MIPEP: variants seen among roughly 807,000 people sequenced by gnomAD.
MIPEP encodes mitochondrial intermediate peptidase.
In MIPEP, 79 loss-of-function variants were observed where a neutral mutation model predicts 90.3. The ratio of observed to expected loss-of-function variants is 0.87; its 90% CI spans 0.73 to 1.05. The LOEUF (loss-of-function observed/expected upper bound fraction) is 1.05. MIPEP is among the 50% of genes least tolerant of loss of function. MIPEP has a pLI of 0.00. For missense variants in MIPEP, 940 were observed against 905.6 expected, an observed-to-expected ratio of 1.04 and a Z score of -0.49; for synonymous variants, 334 against 315.8, an observed-to-expected ratio of 1.06 and a Z score of -0.61.
intron 11 of MIPEP, 96 bp downstream of exon 11, chr13:23,841,239 A>G: frequency 8.9e-7 from 1 of 1,125,304 alleles, no homozygotes; most frequent in Non-Finnish European, 1.2e-6. Flanking sequence ...ACACTCAGTC[A>G]GGGCAAAGTT....
At chr13:23,759,900 C>T (rs1022012377) in intron 17 of MIPEP, among the ~76,000 whole-genome samples, 196 bp downstream of exon 17, 13 of 152,128 alleles carry the variant, frequency 8.5e-5, no homozygotes, top group Middle Eastern at 3.2e-3. Context: ...CCAGGGCCAC[C>T]GGTCAGCTGC....
At position 23,886,496 on chromosome 13, in the gene MIPEP, C is replaced by G. The variant is rs1871488859; in HGVS notation, c.200G>C (p.Gly67Ala). ...DLFGERRGLFGVPELSAPEGF... is the reference protein window; with the variant it reads ...DLFGERRGLFAVPELSAPEGF... Reference sequence around the variant, plus strand: ...TTCTGGGGCACTCAGCTCAGGAACTCCAAAAAGACCCTTAGAACCAAAGAA... The same window carrying G: ...TTCTGGGGCACTCAGCTCAGGAACTGCAAAAAGACCCTTAGAACCAAAGAA... The change falls in exon 2 of 19, where the codon GGA becomes GCA. Residue 67 changes from glycine to alanine, a missense_variant. Coordinates refer to ENST00000382172, the MANE Select transcript of MIPEP (RefSeq NM_005932.4). 6.3e-7 allele frequency: 1 copy of G among 1,583,680 alleles called. No homozygotes were observed. Among genetic ancestry groups the G allele is most frequent in the East Asian group, 2.3e-5 (1 of 43,046 alleles).
chr13:23,752,380 G>A (rs938499491), intron 18 of MIPEP, among the ~76,000 whole-genome samples: 20 of 152,158 alleles, frequency 1.3e-4, no homozygotes, highest in African/African-American at 4.6e-4. Flanking sequence ...CTGCTTCCTA[G>A]TGGGGGCAAA....
chr13:23,803,053 C>T (rs1483020839), intron 16 of MIPEP, among the ~76,000 whole-genome samples: 2 of 152,094 alleles, frequency 1.3e-5, no homozygotes, highest in Admixed American at 1.3e-4. Context: ...ATATAAGATA[C>T]TCAGAGTGGG....
chr13:23,795,181 T>C (rs920973638), intron 16 of MIPEP, among the ~76,000 whole-genome samples: 1 of 148,728 alleles, frequency 6.7e-6, no homozygotes, highest in African/African-American at 2.5e-5. Flanking sequence ...GGCATAAGAA[T>C]AGGAGGAAAC....
In MIPEP at chr13:23,782,247, CA is replaced by C. The variant is rs1047097663; in HGVS notation, c.1849-22031del. Among the ~76,000 whole-genome samples the C allele has an allele frequency of 4.8e-4, 73 of 152,238 alleles. 1 individual carries two copies. The highest frequency in any genetic ancestry group is 1.7e-3 in the African/African-American group (72 of 41,550). ...AAATGTAAAAGAACAGAAATTATAA[CA>C]AACTGTCTCTCAGACCACAGTGCAA... On this transcript the variant is annotated intron_variant, in intron 16 of 18. Coordinates refer to ENST00000382172, the MANE Select transcript of MIPEP (RefSeq NM_005932.4).
At position 23,870,085 on chromosome 13, in the gene MIPEP, A is replaced by G; in HGVS notation, c.714T>C (p.Ile238=). 6.2e-7 allele frequency: 1 copy of G among 1,612,990 alleles called. No individual in the cohort carries two copies. The highest frequency in any genetic ancestry group is 8.5e-7 in the Non-Finnish European group (1 of 1,179,454). ...KIEKHLLPEH[I]RRNFTSAGDH... Reference sequence around the variant, plus strand: ...CCCCAGCAGATGTAAAGTTACGACGAATGTGTTCTGGTAAGAGATGCTTCT... The same window carrying G: ...CCCCAGCAGATGTAAAGTTACGACGGATGTGTTCTGGTAAGAGATGCTTCT... Residue 238 remains isoleucine, a synonymous_variant, in exon 6 of 19, where the codon ATT becomes ATC. Transcript: ENST00000382172.
In MIPEP at chr13:23,837,543, A is replaced by G. The variant is rs751342997; in HGVS notation, c.1543+9T>C. On this transcript the variant is annotated intron_variant, in intron 13 of 18. Transcript: ENST00000382172. ...ACTGTAGTAAATAAAAGCCCTCCTC[A>G]TGGCTCACCAGTGACGTGTTGGTAA... 1 of 1,599,834 alleles carries G rather than the reference A, an allele frequency of 6.3e-7. No homozygotes were observed. The highest frequency in any genetic ancestry group is 1.3e-5 in the African/African-American group (1 of 74,824).
chr13:23,865,972 G>A (rs1331340585), intron 7 of MIPEP, among the ~76,000 whole-genome samples: 1 of 152,012 alleles, frequency 6.6e-6, no homozygotes, highest in Non-Finnish European at 1.5e-5. Context: ...CATCTGGCCT[G>A]CCTCAATTAG....
chr13:23,790,589 AGG>A (rs5802253), intron 16 of MIPEP, among the ~76,000 whole-genome samples: 1 of 151,628 alleles, frequency 6.6e-6, no homozygotes, highest in African/African-American at 2.4e-5. Context: ...AAGTAGAAGG[AGG>A]GGGAGGCAAT....
intron 18 of MIPEP, among the ~76,000 whole-genome samples, chr13:23,734,575 T>C (rs939415183): frequency 4.6e-5 from 7 of 152,224 alleles, no homozygotes; most frequent in Non-Finnish European, 1.0e-4. Context: ...CTGGAAGCTC[T>C]GAGTTTATCT....
At chr13:23,860,321 G>A (rs114202195) in intron 9 of MIPEP, among the ~76,000 whole-genome samples, 2,341 of 152,332 alleles carry the variant, frequency 0.015, 66 homozygotes, top group African/African-American at 0.054. Context: ...GTTTGTAAAT[G>A]ACTGGAAGCT....
chr13:23,781,445 C>G (rs1339698444), intron 16 of MIPEP, among the ~76,000 whole-genome samples: 3 of 152,142 alleles, frequency 2.0e-5, no homozygotes, highest in African/African-American at 7.2e-5. Context: ...ACAAGAGCTC[C>G]CAAAGGAAGC....
At chr13:23,770,884 G>A (rs192388222) in intron 16 of MIPEP, among the ~76,000 whole-genome samples, 3 of 152,214 alleles carry the variant, frequency 2.0e-5, no homozygotes, top group South Asian at 2.1e-4. Context: ...CCGTGGCAGC[G>A]AGGGCCTGCC....
intron 3 of MIPEP, 84 bp from the exon 4 acceptor site, chr13:23,879,438 G>A (rs940604158): frequency 3.4e-5 from 25 of 726,868 alleles, no homozygotes; most frequent in South Asian, 8.6e-5. Context: ...GTGTCAGCTT[G>A]TACCACACAC....
chr13:23,803,028 A>G (rs1953063519), intron 16 of MIPEP, among the ~76,000 whole-genome samples: 1 of 152,136 alleles, frequency 6.6e-6, no homozygotes, highest in African/African-American at 2.4e-5. Flanking sequence ...ATAAGTTGAG[A>G]AGCATCTGTA....
intron 16 of MIPEP, chr13:23,765,931 T>G (rs1952587792): frequency 6.6e-6 from 1 of 152,190 alleles, no homozygotes; most frequent in South Asian, 2.1e-4. Flanking sequence ...GTGAAATATA[T>G]TAAATACATT....
chr13:23,888,517 C>CTAG (rs1871621994), intron 1 of MIPEP, among the ~76,000 whole-genome samples: 1 of 152,110 alleles, frequency 6.6e-6, no homozygotes, highest in South Asian at 2.1e-4. Flanking sequence ...ACAACGCAGG[C>CTAG]TAGTGACTTC....
intron 18 of MIPEP, among the ~76,000 whole-genome samples, chr13:23,743,856 G>A (rs554792894): frequency 3.2e-4 from 48 of 152,288 alleles, no homozygotes; most frequent in African/African-American, 1.1e-3. Flanking sequence ...CCTTGAGAAC[G>A]CAGGTGCTCC....
Sources: allele counts gnomAD v4.1 joint callset (sites outside exome capture counted in the v4.1 genomes callset), GRCh38; gene constraint gnomAD v4.1.1; transcripts MANE v1.5; gene names NCBI Gene and HGNC (gene_info 2026-07-23, HGNC 2026-07-21).